NRG3: variants seen among roughly 807,000 people sequenced by gnomAD.
NRG3 encodes the protein pro-neuregulin-3, membrane-bound isoform.
Under a neutral mutation model 66.9 loss-of-function variants are expected in NRG3, and 31 were observed. The ratio of observed to expected loss-of-function variants is 0.46; its 90% CI spans 0.35 to 0.63. NRG3 has a LOEUF of 0.63. Ranked by LOEUF, NRG3 falls within the 20% of genes least tolerant of loss-of-function variation. The probability of loss-of-function intolerance (pLI) is 0.00; values close to 1 mark genes in which losing one functional copy is unlikely to be tolerated. For missense variants in NRG3, 910 were observed against 878.9 expected (o/e 1.04, Z -0.45); for synonymous variants, 393 against 359.4 (o/e 1.09, Z -1.06).
At chr10:82,482,563 AGT>A (rs1470170070) in intron 2 of NRG3, among the ~76,000 whole-genome samples, 2 of 151,488 alleles carry the variant, frequency 1.3e-5, no homozygotes, top group Non-Finnish European at 2.9e-5. Flanking sequence ...TGCTACACAG[AGT>A]GTGATTCTTG....
At chr10:82,558,322 G>T (rs2044785732) in intron 2 of NRG3, among the ~76,000 whole-genome samples, 1 of 152,110 alleles carries the variant, frequency 6.6e-6, no homozygotes, top group African/African-American at 2.4e-5. Flanking sequence ...TCTCTACAAG[G>T]CAGTTACACA....
intron 3 of NRG3, among the ~76,000 whole-genome samples, chr10:82,820,231 A>C (rs113895913): frequency 1.3e-5 from 2 of 152,224 alleles, no homozygotes; most frequent in African/African-American, 4.8e-5. Context: ...AAAAGCTACA[A>C]ACTTTTAACA....
chr10:82,426,233 A>G (rs749059568), intron 2 of NRG3, among the ~76,000 whole-genome samples: 23 of 152,078 alleles, frequency 1.5e-4, no homozygotes, highest in Admixed American at 8.5e-4. Context: ...GGACTCCTGA[A>G]GGTAAAAGTT....
chr10:82,925,832 T>C (rs1055153359), intron 4 of NRG3, among the ~76,000 whole-genome samples: 2 of 152,188 alleles, frequency 1.3e-5, no homozygotes, highest in Non-Finnish European at 2.9e-5. Context: ...AGATGACCTA[T>C]TGCCTTAGTC....
intron 3 of NRG3, among the ~76,000 whole-genome samples, chr10:82,807,288 A>C (rs1204312671): frequency 3.3e-5 from 5 of 152,216 alleles, no homozygotes; most frequent in Non-Finnish European, 7.4e-5. Context: ...ATTACACTTG[A>C]AATATAATAA....
intron 1 of NRG3, among the ~76,000 whole-genome samples, chr10:82,185,333 TTAAG>T (rs1440839341): frequency 5.3e-5 from 8 of 152,318 alleles, no homozygotes; most frequent in Non-Finnish European, 1.0e-4. Context: ...TGTTTGGGCA[TTAAG>T]TAAGTAGTTT....
At chr10:82,615,002 T>C (rs528007060) in intron 2 of NRG3, among the ~76,000 whole-genome samples, 1 of 152,296 alleles carries the variant, frequency 6.6e-6, no homozygotes, top group Admixed American at 6.5e-5. Flanking sequence ...ACGGGTGGTA[T>C]CCATTGTTTG....
chr10:82,381,308 T>C (rs940917236), intron 2 of NRG3, among the ~76,000 whole-genome samples: 1 of 152,182 alleles, frequency 6.6e-6, no homozygotes, highest in South Asian at 2.1e-4. Context: ...TATGTTGTAA[T>C]GGAAAACGAC....
chr10:82,115,513 C>A (rs2067653731), intron 1 of NRG3, among the ~76,000 whole-genome samples: 1 of 152,052 alleles, frequency 6.6e-6, no homozygotes, highest in Non-Finnish European at 1.5e-5. Flanking sequence ...GAAAAATATG[C>A]CCTCCTGCCA....
chr10:82,309,598 G>T (rs1213600496), intron 1 of NRG3, among the ~76,000 whole-genome samples: 2 of 152,162 alleles, frequency 1.3e-5, no homozygotes, highest in African/African-American at 4.8e-5. Context: ...CTGCCTAGCT[G>T]CAGGGAAAAG....
At chr10:82,142,766 C>CT (rs3036609) in intron 1 of NRG3, among the ~76,000 whole-genome samples, 59,576 of 110,520 alleles carry the variant, frequency 0.54, 18,173 homozygotes, top group Non-Finnish European at 0.65. Context: ...CTCTCTCGCT[C>CT]TTTTTTTTTT....
intron 2 of NRG3, among the ~76,000 whole-genome samples, chr10:82,429,245 A>G (rs1248803057): frequency 6.6e-6 from 1 of 152,040 alleles, no homozygotes; most frequent in East Asian, 1.9e-4. Context: ...AATCCTTACA[A>G]AACAAGTATA....
At chr10:82,507,105 C>A (rs1388334412) in intron 2 of NRG3, among the ~76,000 whole-genome samples, 1 of 152,204 alleles carries the variant, frequency 6.6e-6, no homozygotes, top group Non-Finnish European at 1.5e-5. Context: ...AATGAAAGAG[C>A]AATGTGCTGT....
chr10:82,596,457 T>C (rs2047284947), intron 2 of NRG3, among the ~76,000 whole-genome samples: 1 of 152,170 alleles, frequency 6.6e-6, no homozygotes, highest in Non-Finnish European at 1.5e-5. Context: ...ACTCCCTGTT[T>C]CTCAAGATAA....
intron 1 of NRG3, among the ~76,000 whole-genome samples, chr10:82,158,488 C>T (rs1484045817): frequency 1.3e-5 from 2 of 151,544 alleles, no homozygotes; most frequent in African/African-American, 2.4e-5. Flanking sequence ...AATAGGAGGC[C>T]CTTTAAGAGA....
intron 2 of NRG3, among the ~76,000 whole-genome samples, chr10:82,457,952 G>T (rs1006327553): frequency 6.6e-6 from 1 of 152,192 alleles, no homozygotes. Context: ...CTTGATGCAC[G>T]TCAAAAAGAG....
In NRG3 at chr10:82,634,061, G is replaced by A. The variant is rs374291217; in HGVS notation, c.954-104516G>A. The stretch of plus-strand genomic sequence containing the variant: ...GAGATTATGGTTCATAAAGGACAAC[G>A]GGCCCATGAGATATTAGCAGCATGG... On this transcript the variant is annotated intron_variant, in intron 2 of 8. Transcript: ENST00000372141. Among the ~76,000 whole-genome samples, 103 of 152,272 alleles carry A rather than the reference G, an allele frequency of 6.8e-4. 1 individual carries two copies. In the South Asian group the frequency reaches 0.02, roughly 30 times the overall value.
intron 2 of NRG3, among the ~76,000 whole-genome samples, chr10:82,482,561 AG>A (rs1842363509): frequency 6.6e-6 from 1 of 151,710 alleles, no homozygotes; most frequent in Non-Finnish European, 1.5e-5. Context: ...AGTGCTACAC[AG>A]AGTGTGATTC....
rs377447434 is a variant in NRG3 at position 82,729,533 on chromosome 10, A to G, written c.954-9044A>G. Among the ~76,000 whole-genome samples, 48 of 152,290 alleles carry G rather than the reference A, an allele frequency of 3.2e-4. No homozygotes were observed. The South Asian group carries it at 6.8e-3, about 22-fold the overall frequency. ...CATAGCTGCTCTGGAGAACATCGCT[A>G]TGCACCCTGAAGTGTACAGGGTGTT... is the stretch of plus-strand genomic sequence containing the variant. On this transcript the variant is annotated intron_variant, in intron 2 of 8. Transcript: ENST00000372141.
Sources: gnomAD v4.1 joint callset for allele counts (sites outside exome capture counted in the v4.1 genomes callset) on GRCh38, gnomAD v4.1.1 for gene constraint, MANE v1.5 for transcripts, NCBI Gene and HGNC (gene_info 2026-07-23, HGNC 2026-07-21) for gene names.